The following CPNE5 variants were observed in gnomAD, a reference collection of about 807,000 sequenced individuals.
The protein encoded by CPNE5 is copine 5, also known as copine-5.
A neutral mutation model predicts 81.1 loss-of-function variants in CPNE5; 42 were observed. That is an observed-to-expected ratio of 0.52 (90% CI 0.40 to 0.67). CPNE5 has a LOEUF of 0.67. CPNE5 is among the 30% of genes least tolerant of loss of function. CPNE5 has a pLI of 0.00. For missense variants in CPNE5, 612 were observed against 815.5 expected, an observed-to-expected ratio of 0.75 and a Z score of 3.04; for synonymous variants, 313 against 321.5, an observed-to-expected ratio of 0.97 and a Z score of 0.28.
At chr6:36,742,783 G>A in intron 20 of CPNE5, 1 of 985,440 alleles carries the variant, frequency 1.0e-6, no homozygotes, top group Non-Finnish European at 1.2e-6. Flanking sequence ...CACAGGCTCT[G>A]AGTAGGTGCT....
chr6:36,831,725 T>C (rs566773280), intron 1 of CPNE5, among the ~76,000 whole-genome samples: 24 of 151,966 alleles, frequency 1.6e-4, no homozygotes, highest in Admixed American at 1.5e-3. Context: ...TAGTGTTCAG[T>C]TATTGGTACC....
intron 6 of CPNE5, among the ~76,000 whole-genome samples, chr6:36,795,825 A>G (rs1769518163): frequency 6.6e-6 from 1 of 152,246 alleles, no homozygotes; most frequent in African/African-American, 2.4e-5. Context: ...ATAGATGCCC[A>G]GTAAACAGGA....
At position 36,798,455 on chromosome 6, in the gene CPNE5, G is replaced by A. The variant is rs538163594; in HGVS notation, c.327C>T (p.His109=). The A allele has an allele frequency of 6.8e-6, 11 of 1,613,894 alleles. No individual in the cohort carries two copies. The highest frequency in any genetic ancestry group is 4.5e-5 in the East Asian group (2 of 44,880). The change falls in exon 5 of 21, where the codon CAC becomes CAT. Residue 109 remains histidine (H), a splice_region_variant and synonymous_variant. Transcript: ENST00000244751. The part of the protein sequence containing the change: ...VDSKSPDLSK[H]DFLGQAFCTL... Reference sequence around the variant, plus strand: ...CTGAGCAGTTACTGGCAGAACTCACGTGTTTGGATAAATCAGGACTCTTAG... The same window carrying A: ...CTGAGCAGTTACTGGCAGAACTCACATGTTTGGATAAATCAGGACTCTTAG...
At chr6:36,781,634 G>A (rs1183331341) in intron 8 of CPNE5, among the ~76,000 whole-genome samples, 1 of 152,122 alleles carries the variant, frequency 6.6e-6, no homozygotes, top group Non-Finnish European at 1.5e-5. Flanking sequence ...CCCCTAGGGA[G>A]CCCCATCCAT....
intron 7 of CPNE5, among the ~76,000 whole-genome samples, chr6:36,794,164 G>T (rs1345732923): frequency 6.7e-6 from 1 of 149,844 alleles, no homozygotes; most frequent in Non-Finnish European, 1.5e-5. Context: ...CAAAACAAGG[G>T]AGGGGAACAG....
At chr6:36,819,653 C>T (rs188797886) in intron 3 of CPNE5, among the ~76,000 whole-genome samples, 17 of 152,344 alleles carry the variant, frequency 1.1e-4, no homozygotes, top group Admixed American at 2.0e-4. Flanking sequence ...GGCCTCCTCA[C>T]CCTCAGGCTC....
rs772002184 is a variant in CPNE5 at position 36,745,363 on chromosome 6, T to C, written c.1328+25A>G. On this transcript the variant is annotated intron_variant, in intron 17 of 20. Coordinates refer to ENST00000244751, the MANE Select transcript of CPNE5 (RefSeq NM_020939.2). ...TGGAAACAGAGGCCTTGTGAGTGCC[T>C]GGAGGCGGTGGCAGCGGCACTCACC... 4 of 1,596,978 alleles carry C rather than the reference T, an allele frequency of 2.5e-6. No individual in the cohort carries two copies. The South Asian group carries it at 3.4e-5, about 14-fold the overall frequency.
intron 9 of CPNE5, 104 bp from the exon 10 acceptor site, chr6:36,775,169 G>T: frequency 1.2e-6 from 1 of 801,574 alleles, no homozygotes; most frequent in Non-Finnish European, 2.1e-6. Context: ...GTTCCTGGAC[G>T]ACGGAAATGA....
rs952015480 is a variant in CPNE5 at position 36,830,404 on chromosome 6, C to T, written c.96-7306G>A. 3.9e-5 allele frequency among the ~76,000 whole-genome samples: 6 copies of T among 152,146 alleles called. No homozygotes were observed. The East Asian group carries it at 7.7e-4, about 20-fold the overall frequency. On this transcript the variant is annotated intron_variant, in intron 1 of 20. Transcript: ENST00000244751. ...CCAGACCTAAAAGGCAGAAGTAATC[C>T]GAGGAAAGCAGGGCGGGAGCTGGGA...
intron 8 of CPNE5, among the ~76,000 whole-genome samples, chr6:36,780,018 G>A (rs141291969): frequency 0.028 from 4,213 of 150,328 alleles, 194 homozygotes; most frequent in East Asian, 0.18. Flanking sequence ...AGGCTGGAGT[G>A]CAGTGGCGCC....
chr6:36,797,048 G>C (rs1769646753), intron 6 of CPNE5, among the ~76,000 whole-genome samples: 1 of 152,210 alleles, frequency 6.6e-6, no homozygotes. Context: ...GGGACTACAG[G>C]TGTGCACCAC....
intron 3 of CPNE5, among the ~76,000 whole-genome samples, chr6:36,813,389 G>A (rs1771272654): frequency 6.6e-6 from 1 of 152,180 alleles, no homozygotes; most frequent in Non-Finnish European, 1.5e-5. Context: ...AAATTAGCCA[G>A]GCATGGTGGC....
At chr6:36,822,807 A>G (rs236376) in intron 2 of CPNE5, among the ~76,000 whole-genome samples, 123,922 of 152,116 alleles carry the variant, frequency 0.81, 50,738 homozygotes, top group East Asian at 1. Flanking sequence ...GGGACCCTGT[A>G]GCCCCAGACC....
At chr6:36,774,239 G>A (rs1442711110) in intron 10 of CPNE5, among the ~76,000 whole-genome samples, 1 of 152,062 alleles carries the variant, frequency 6.6e-6, no homozygotes, top group Non-Finnish European at 1.5e-5. Flanking sequence ...AAATTAGCTG[G>A]GCGTGGTGGT....
At chr6:36,765,314 C>T in intron 11 of CPNE5, 21 bp downstream of exon 11, 1 of 1,613,808 alleles carries the variant, frequency 6.2e-7, no homozygotes, top group Non-Finnish European at 8.5e-7. Flanking sequence ...CCTTCTCGCC[C>T]CTGCCCTCCT....
chr6:36,830,376 C>A (rs568148826), intron 1 of CPNE5, among the ~76,000 whole-genome samples: 1 of 152,170 alleles, frequency 6.6e-6, no homozygotes. Context: ...TCCTGCCCAG[C>A]TCCCAGACCT....
chr6:36,749,791 T>C (rs571062508), intron 14 of CPNE5, among the ~76,000 whole-genome samples: 1 of 152,358 alleles, frequency 6.6e-6, no homozygotes, highest in East Asian at 1.9e-4. Context: ...ATGTTGATTA[T>C]ACCTTTTCTC....
chr6:36,799,383 G>A (rs1190400077), intron 4 of CPNE5, among the ~76,000 whole-genome samples: 1 of 152,018 alleles, frequency 6.6e-6, no homozygotes, highest in Non-Finnish European at 1.5e-5. Flanking sequence ...CCACTCTTCT[G>A]TGGGGCAAAG....
intron 9 of CPNE5, among the ~76,000 whole-genome samples, chr6:36,777,427 T>A (rs1767610906): frequency 6.6e-6 from 1 of 151,574 alleles, no homozygotes; most frequent in Admixed American, 6.6e-5. Flanking sequence ...AGTGCACCCC[T>A]CTCCTGCTCC....
Sources: gnomAD v4.1 joint callset for allele counts (sites outside exome capture counted in the v4.1 genomes callset) on GRCh38, gnomAD v4.1.1 for gene constraint, MANE v1.5 for transcripts, NCBI Gene and HGNC (gene_info 2026-07-23, HGNC 2026-07-21) for gene names.